Variants in CMSS1 observed in about 807,000 individuals in gnomAD.
The protein encoded by CMSS1 is protein CMSS1.
A neutral mutation model predicts 43.5 loss-of-function variants in CMSS1; 33 were observed. The observed-to-expected ratio is 0.76, with a 90% confidence interval of 0.57 to 1.01. The LOEUF (loss-of-function observed/expected upper bound fraction) is 1.01. CMSS1 is among the 50% of genes least tolerant of loss of function. The probability of loss-of-function intolerance (pLI) is 0.00; values close to 1 mark genes in which losing one functional copy is unlikely to be tolerated. For missense variants in CMSS1, 313 were observed against 326.4 expected, an observed-to-expected ratio of 0.96 and a Z score of 0.32; for synonymous variants, 115 against 117.2, an observed-to-expected ratio of 0.98 and a Z score of 0.12.
At chr3:99,877,478 A>G (rs1705573840) in intron 1 of CMSS1, among the ~76,000 whole-genome samples, 1 of 152,214 alleles carries the variant, frequency 6.6e-6, no homozygotes, top group African/African-American at 2.4e-5. Flanking sequence ...AGTTCACTTT[A>G]TCATTATTCT....
intron 1 of CMSS1, among the ~76,000 whole-genome samples, chr3:100,021,950 TGTGTGTGTGTGAGAGAGAGA>T (rs1346654564): frequency 1.6e-4 from 21 of 129,010 alleles, no homozygotes; most frequent in Middle Eastern, 7.4e-3. Context: ...TGTGTGTGTG[TGTGTGTGTGTGAGAGAGAGA>T]GAGAGAGAGA....
intron 1 of CMSS1, among the ~76,000 whole-genome samples, chr3:100,045,910 G>A (rs9864437): frequency 0.18 from 28,077 of 151,968 alleles, 2,934 homozygotes; most frequent in South Asian, 0.25. Context: ...GCAGGGATGA[G>A]GTCACTGGGG....
At chr3:100,103,957 A>G (rs1322775615) in intron 1 of CMSS1, among the ~76,000 whole-genome samples, 1 of 152,222 alleles carries the variant, frequency 6.6e-6, no homozygotes, top group Non-Finnish European at 1.5e-5. Context: ...TTGTTTAATC[A>G]GGCGCATTAA....
intron 1 of CMSS1, among the ~76,000 whole-genome samples, chr3:99,861,969 A>G (rs1370781194): frequency 6.6e-6 from 1 of 152,160 alleles, no homozygotes; most frequent in African/African-American, 2.4e-5. Context: ...GTTGTTCTGA[A>G]GATTAATAAA....
intron 1 of CMSS1, among the ~76,000 whole-genome samples, chr3:100,048,200 T>A (rs1461233491): frequency 2.0e-5 from 3 of 152,244 alleles, no homozygotes; most frequent in African/African-American, 7.2e-5. Flanking sequence ...AGGGGACAGA[T>A]AGGTCCAGAC....
At chr3:99,919,418 C>T (rs1425426857) in intron 1 of CMSS1, among the ~76,000 whole-genome samples, 1 of 148,240 alleles carries the variant, frequency 6.7e-6, no homozygotes, top group African/African-American at 2.5e-5. Flanking sequence ...CGCCCAGTAT[C>T]TAGTATGGGA....
intron 1 of CMSS1, chr3:99,929,941 T>C (rs1264917629): frequency 6.2e-7 from 1 of 1,613,406 alleles, no homozygotes; most frequent in African/African-American, 1.3e-5. Context: ...CTCTAACACC[T>C]TTTTTGGAGT....
At chr3:99,882,717 T>C (rs980172221) in intron 1 of CMSS1, among the ~76,000 whole-genome samples, 3 of 152,132 alleles carry the variant, frequency 2.0e-5, no homozygotes, top group African/African-American at 7.2e-5. Context: ...CATGAAAAAA[T>C]GGCACAAACA....
chr3:99,986,006 G>A (rs1446824860), intron 1 of CMSS1, among the ~76,000 whole-genome samples: 2 of 152,194 alleles, frequency 1.3e-5, no homozygotes, highest in African/African-American at 4.8e-5. Context: ...AGGACTTAAT[G>A]AGATACAGTT....
At chr3:99,956,770 C>T (rs1019397746) in intron 1 of CMSS1, among the ~76,000 whole-genome samples, 9 of 152,172 alleles carry the variant, frequency 5.9e-5, no homozygotes, top group South Asian at 2.1e-4. Flanking sequence ...CTTTATAACA[C>T]GCCCAGTGGT....
At chr3:99,947,137 CAA>C (rs397829321) in intron 1 of CMSS1, among the ~76,000 whole-genome samples, 1 of 88,814 alleles carries the variant, frequency 1.1e-5, no homozygotes. Flanking sequence ...GACTCTGTCT[CAA>C]AAAAAAAAAA....
intron 1 of CMSS1, among the ~76,000 whole-genome samples, chr3:100,081,249 C>G (rs1197923020): frequency 6.6e-6 from 1 of 152,126 alleles, no homozygotes; most frequent in African/African-American, 2.4e-5. Context: ...GATAAATCAT[C>G]TTTTATCTCT....
At chr3:100,172,907 C>A (rs534081761) in intron 8 of CMSS1, among the ~76,000 whole-genome samples, 1 of 152,278 alleles carries the variant, frequency 6.6e-6, no homozygotes, top group South Asian at 2.1e-4. Flanking sequence ...TTATAGTTTG[C>A]CAACTTTCTC....
intron 1 of CMSS1, among the ~76,000 whole-genome samples, chr3:100,143,908 A>C (rs1009899197): frequency 2.3e-4 from 35 of 152,086 alleles, no homozygotes; most frequent in African/African-American, 8.4e-4. Flanking sequence ...ATATTTTCAT[A>C]TTATGTCTTT....
chr3:99,825,644 A>G (rs142314641), intron 1 of CMSS1, among the ~76,000 whole-genome samples: 352 of 152,298 alleles, frequency 2.3e-3, no homozygotes, highest in Middle Eastern at 0.01. Flanking sequence ...ATTTTGCTAA[A>G]TGTCCATGAA....
At chr3:100,051,661 C>T (rs2065375389) in intron 1 of CMSS1, among the ~76,000 whole-genome samples, 1 of 151,672 alleles carries the variant, frequency 6.6e-6, no homozygotes, top group Non-Finnish European at 1.5e-5. Flanking sequence ...TCAGCTTCAT[C>T]CATGTCCCTA....
At chr3:100,039,234 C>T (rs2065160524) in intron 1 of CMSS1, among the ~76,000 whole-genome samples, 1 of 152,176 alleles carries the variant, frequency 6.6e-6, no homozygotes, top group Admixed American at 6.5e-5. Context: ...AGTTAGTCTG[C>T]TTTACTTATT....
intron 8 of CMSS1, among the ~76,000 whole-genome samples, chr3:100,173,297 G>T (rs541542838): frequency 6.6e-6 from 1 of 152,162 alleles, no homozygotes; most frequent in Non-Finnish European, 1.5e-5. Context: ...CAACACTTTC[G>T]AGTTCCTACT....
At chr3:100,036,831 C>T (rs2065116142) in intron 1 of CMSS1, among the ~76,000 whole-genome samples, 1 of 152,152 alleles carries the variant, frequency 6.6e-6, no homozygotes, top group South Asian at 2.1e-4. Flanking sequence ...AATAGTAGAA[C>T]AAATTGACAT....
Sources: allele counts gnomAD v4.1 joint callset (sites outside exome capture counted in the v4.1 genomes callset), GRCh38; gene constraint gnomAD v4.1.1; transcripts MANE v1.5; gene names NCBI Gene and HGNC (gene_info 2026-07-23, HGNC 2026-07-21).